The following STXBP5L variants were observed in gnomAD, a reference collection of about 807,000 sequenced individuals.
STXBP5L encodes the protein syntaxin-binding protein 5-like.
A neutral mutation model predicts 144.5 loss-of-function variants in STXBP5L; 65 were observed. That is an observed-to-expected ratio of 0.45 (90% CI 0.37 to 0.55). The LOEUF is 0.55. Among genes scored for constraint, STXBP5L ranks in the 20% least tolerant of loss-of-function variants. The pLI is 0.00. For missense variants in STXBP5L, 1,298 were observed against 1,405.5 expected (o/e 0.92, Z 1.22); for synonymous variants, 505 against 469.6 (o/e 1.08, Z -0.97).
intron 10 of STXBP5L, among the ~76,000 whole-genome samples, chr3:121,220,743 A>G (rs1324692384): frequency 3.3e-5 from 5 of 152,062 alleles, no homozygotes; most frequent in African/African-American, 1.2e-4. Context: ...TAAACTAAAA[A>G]TGAAAAATGT....
At chr3:121,064,767 C>A (rs190427702) in intron 5 of STXBP5L, among the ~76,000 whole-genome samples, 2 of 152,258 alleles carry the variant, frequency 1.3e-5, no homozygotes, top group Admixed American at 1.3e-4. Context: ...AGAGAGGATG[C>A]ATGGGCATGT....
At chr3:121,226,556 A>AT (rs1269962443) in intron 11 of STXBP5L, among the ~76,000 whole-genome samples, 2 of 152,116 alleles carry the variant, frequency 1.3e-5, no homozygotes, top group Non-Finnish European at 2.9e-5. Context: ...AGTTGGTTAG[A>AT]TTTTAAAAGG....
chr3:121,102,871 C>T (rs2107786910), intron 5 of STXBP5L, among the ~76,000 whole-genome samples: 1 of 152,032 alleles, frequency 6.6e-6, no homozygotes, highest in East Asian at 1.9e-4. Flanking sequence ...AACACATAAC[C>T]CCATTAAAAA....
chr3:120,987,534 G>C (rs1464094962), intron 3 of STXBP5L, among the ~76,000 whole-genome samples: 1 of 151,498 alleles, frequency 6.6e-6, no homozygotes, highest in Non-Finnish European at 1.5e-5. Context: ...TTGGATATAT[G>C]GTTTTCATTT....
chr3:120,969,066 A>T (rs1443068412), intron 3 of STXBP5L, among the ~76,000 whole-genome samples: 1 of 152,028 alleles, frequency 6.6e-6, no homozygotes, highest in Admixed American at 6.6e-5. Flanking sequence ...CAGTAGTGGG[A>T]TTGCTAGATC....
At chr3:121,378,680 C>T in intron 20 of STXBP5L, 36 bp from the exon 21 acceptor site, 10 of 1,599,396 alleles carry the variant, frequency 6.3e-6, no homozygotes, top group Non-Finnish European at 8.5e-6. Context: ...AAGAGTTAAT[C>T]ATTATATGTA....
intron 3 of STXBP5L, among the ~76,000 whole-genome samples, chr3:121,006,229 G>T (rs1232676155): frequency 6.6e-6 from 1 of 152,070 alleles, no homozygotes; most frequent in Admixed American, 6.5e-5. Flanking sequence ...TGTGAATCTG[G>T]GTGCCCCTGT....
intron 2 of STXBP5L, among the ~76,000 whole-genome samples, chr3:120,931,488 C>G (rs1228930920): frequency 2.0e-5 from 3 of 151,352 alleles, no homozygotes; most frequent in African/African-American, 4.8e-5. Context: ...TATTCATGTT[C>G]CAAAAGAGAA....
At chr3:121,324,524 A>T in intron 20 of STXBP5L, 1 of 699,120 alleles carries the variant, frequency 1.4e-6, no homozygotes, top group Non-Finnish European at 2.6e-6. Flanking sequence ...AGTCAGCACT[A>T]GGCTTTTATA....
chr3:121,188,506 A>T (rs886118810), intron 9 of STXBP5L, among the ~76,000 whole-genome samples: 1 of 151,860 alleles, frequency 6.6e-6, no homozygotes, highest in Non-Finnish European at 1.5e-5. Context: ...CAGCAAAAAA[A>T]AAAAAGACTT....
Position 121,352,504 on chromosome 3 carries a change from G to C in STXBP5L, c.2177-26212G>C, listed in dbSNP as rs149737280. On this transcript the variant is annotated intron_variant, in intron 20 of 26. Transcript: ENST00000471454. ...CTGTTTGTCTGTTATTGCTGTATAG[G>C]AATGATTGTGAGTTTTGTACATTGA... Among the ~76,000 whole-genome samples the C allele has an allele frequency of 9.3e-4, 141 of 152,136 alleles. 2 individuals carry two copies. The highest frequency in any genetic ancestry group is 3.2e-3 in the African/African-American group (132 of 41,466).
At chr3:121,215,312 A>C (rs1255167255) in intron 10 of STXBP5L, among the ~76,000 whole-genome samples, 1 of 152,124 alleles carries the variant, frequency 6.6e-6, no homozygotes. Context: ...GGTCTTTACA[A>C]TATGGTATGT....
At chr3:121,049,185 C>T (rs73187500) in intron 5 of STXBP5L, among the ~76,000 whole-genome samples, 2 of 152,038 alleles carry the variant, frequency 1.3e-5, no homozygotes, top group Non-Finnish European at 2.9e-5. Context: ...TGTAAGGTGG[C>T]TGCACTGTGC....
chr3:121,416,717 T>C (rs1272148006), intron 25 of STXBP5L, among the ~76,000 whole-genome samples: 1 of 151,566 alleles, frequency 6.6e-6, no homozygotes, highest in Non-Finnish European at 1.5e-5. Flanking sequence ...GTTGGCTAGG[T>C]TGGTCTTGGA....
intron 2 of STXBP5L, among the ~76,000 whole-genome samples, chr3:120,954,493 T>C (rs1298434341): frequency 6.6e-6 from 1 of 152,130 alleles, no homozygotes; most frequent in Non-Finnish European, 1.5e-5. Flanking sequence ...GTTTGTGTCT[T>C]TTAATTGTTT....
At chr3:120,924,549 A>G (rs1709512138) in intron 2 of STXBP5L, 1 of 152,542 alleles carries the variant, frequency 6.6e-6, no homozygotes, top group Admixed American at 6.5e-5. Context: ...ATTACAAAGA[A>G]GATGCTTCAT....
chr3:121,340,429 C>A (rs1285341881), intron 20 of STXBP5L, among the ~76,000 whole-genome samples: 1 of 151,800 alleles, frequency 6.6e-6, no homozygotes, highest in Admixed American at 6.6e-5. Context: ...TTTGCTGCAC[C>A]CATCAACTCG....
chr3:121,131,829 T>A (rs3914744), intron 7 of STXBP5L, among the ~76,000 whole-genome samples: 34,761 of 152,114 alleles, frequency 0.23, 4,120 homozygotes, highest in Non-Finnish European at 0.26. Flanking sequence ...TCAGCTACAA[T>A]TCACATATAA....
chr3:121,103,169 A>G (rs981881135), intron 5 of STXBP5L, among the ~76,000 whole-genome samples: 3 of 152,162 alleles, frequency 2.0e-5, no homozygotes, highest in African/African-American at 4.8e-5. Flanking sequence ...CTGAGCTACC[A>G]TTTGACCCAG....
Sources: allele counts gnomAD v4.1 joint callset (sites outside exome capture counted in the v4.1 genomes callset), GRCh38; gene constraint gnomAD v4.1.1; transcripts MANE v1.5; gene names NCBI Gene and HGNC (gene_info 2026-07-23, HGNC 2026-07-21).